The following SMPD3 variants were observed in gnomAD, a reference collection of about 807,000 sequenced individuals.
The protein encoded by SMPD3 is sphingomyelin phosphodiesterase 3.
A neutral mutation model predicts 55.7 loss-of-function variants in SMPD3; 21 were observed. The observed-to-expected ratio is 0.38, with a 90% CI of 0.27 to 0.54. The LOEUF is 0.54. Ranked by LOEUF, SMPD3 falls within the 20% of genes least tolerant of loss-of-function variation. The probability of loss-of-function intolerance (pLI) is 0.80; values close to 1 mark genes in which losing one functional copy is unlikely to be tolerated. For missense variants in SMPD3, 842 were observed against 899.6 expected, an observed-to-expected ratio of 0.94 and a Z score of 0.82; for synonymous variants, 457 against 404.3, an observed-to-expected ratio of 1.13 and a Z score of -1.56.
At chr16:68,417,738 T>G (rs2090350345) in intron 1 of SMPD3, among the ~76,000 whole-genome samples, 1 of 152,192 alleles carries the variant, frequency 6.6e-6, no homozygotes, top group Non-Finnish European at 1.5e-5. Flanking sequence ...TTCCTTGCTA[T>G]TGTTCTTTGT....
intron 1 of SMPD3, among the ~76,000 whole-genome samples, chr16:68,412,109 G>A (rs1003160890): frequency 6.6e-6 from 1 of 152,200 alleles, no homozygotes; most frequent in African/African-American, 2.4e-5. Flanking sequence ...GCGGAGCTGT[G>A]CCCGGGAGGC....
At chr16:68,418,141 T>G (rs553918027) in intron 1 of SMPD3, among the ~76,000 whole-genome samples, 1 of 152,186 alleles carries the variant, frequency 6.6e-6, no homozygotes, top group Admixed American at 6.5e-5. Flanking sequence ...TCAGCCAAGG[T>G]GCATTTCTGG....
chr16:68,365,234 C>CCTGCTACT, intron 3 of SMPD3, 142 bp from the exon 4 acceptor site: 2 of 777,826 alleles, frequency 2.6e-6, no homozygotes, highest in Non-Finnish European at 4.2e-6. Context: ...CGAGTAGGGA[C>CCTGCTACT]AGGATGTGTC....
intron 1 of SMPD3, among the ~76,000 whole-genome samples, chr16:68,424,648 G>T (rs2090421775): frequency 6.6e-6 from 1 of 152,210 alleles, no homozygotes; most frequent in Non-Finnish European, 1.5e-5. Context: ...CAAAGTTACT[G>T]TCTTGATGAC....
At chr16:68,388,721 C>T (rs2090084494) in intron 1 of SMPD3, among the ~76,000 whole-genome samples, 1 of 151,722 alleles carries the variant, frequency 6.6e-6, no homozygotes, top group African/African-American at 2.4e-5. Flanking sequence ...ATGACAAGAA[C>T]TGACTATTTA....
chr16:68,389,060 A>C (rs559456770), intron 1 of SMPD3, among the ~76,000 whole-genome samples: 10 of 152,326 alleles, frequency 6.6e-5, no homozygotes, highest in African/African-American at 2.4e-4. Context: ...ACCGGTAGGA[A>C]ATGGTGAAAC....
chr16:68,378,713 T>A (rs2089881403), intron 2 of SMPD3, among the ~76,000 whole-genome samples: 1 of 152,120 alleles, frequency 6.6e-6, no homozygotes, highest in Non-Finnish European at 1.5e-5. Flanking sequence ...CCCAGGCCAC[T>A]CAGCACCAGC....
intron 1 of SMPD3, among the ~76,000 whole-genome samples, chr16:68,435,627 A>G (rs1175091941): frequency 6.6e-6 from 1 of 152,196 alleles, no homozygotes; most frequent in Non-Finnish European, 1.5e-5. Context: ...ACATCCTGCC[A>G]GGGCCCAAGT....
chr16:68,361,787 GCCCCCATGCCCGCC>G (rs1373811450), intron 7 of SMPD3, 28 bp from the exon 8 acceptor site: 8 of 1,602,216 alleles, frequency 5.0e-6, no homozygotes, highest in Non-Finnish European at 6.8e-6. Context: ...AGGCAGGTGG[GCCCCCATGCCCGCC>G]CCTGTGGGCC....
chr16:68,441,820 T>C (rs1166957504), intron 1 of SMPD3, among the ~76,000 whole-genome samples: 1 of 152,220 alleles, frequency 6.6e-6, no homozygotes, highest in Non-Finnish European at 1.5e-5. Context: ...GGCTAGGGTG[T>C]GGTGGTACAA....
intron 1 of SMPD3, among the ~76,000 whole-genome samples, chr16:68,387,975 G>A (rs909456808): frequency 4.6e-5 from 7 of 152,182 alleles, no homozygotes; most frequent in African/African-American, 1.7e-4. Context: ...GGGCTCTAAT[G>A]AGACCCGGTT....
chr16:68,421,089 G>A (rs2090389697), intron 1 of SMPD3, among the ~76,000 whole-genome samples: 1 of 152,166 alleles, frequency 6.6e-6, no homozygotes, highest in Admixed American at 6.5e-5. Flanking sequence ...CAGCTCTGAT[G>A]GGCTGGGTTC....
At chr16:68,406,206 A>G (rs1036071987) in intron 1 of SMPD3, among the ~76,000 whole-genome samples, 1 of 152,188 alleles carries the variant, frequency 6.6e-6, no homozygotes, top group East Asian at 1.9e-4. Flanking sequence ...TGATATCACT[A>G]TTTGCCATTT....
At chr16:68,438,116 G>A (rs1244325112) in intron 1 of SMPD3, among the ~76,000 whole-genome samples, 1 of 152,098 alleles carries the variant, frequency 6.6e-6, no homozygotes, top group Non-Finnish European at 1.5e-5. Flanking sequence ...GGATACTATT[G>A]CCTGCCTCCC....
chr16:68,377,302 C>G (rs967794151), intron 2 of SMPD3, among the ~76,000 whole-genome samples: 2 of 152,178 alleles, frequency 1.3e-5, no homozygotes, highest in African/African-American at 4.8e-5. Context: ...CCAGAAAACC[C>G]CAAGTCCAGC....
At chr16:68,398,426 T>C (rs1183230559) in intron 1 of SMPD3, among the ~76,000 whole-genome samples, 2 of 152,174 alleles carry the variant, frequency 1.3e-5, no homozygotes, top group Non-Finnish European at 2.9e-5. Context: ...TCACACTATT[T>C]TTACCTTCCT....
At chr16:68,422,787 C>T (rs1346260885) in intron 1 of SMPD3, among the ~76,000 whole-genome samples, 2 of 152,146 alleles carry the variant, frequency 1.3e-5, no homozygotes, top group South Asian at 2.1e-4. Context: ...AAAGAGGTGG[C>T]GTGTAGGCTG....
At chr16:68,384,259 T>C (rs1193419883) in intron 2 of SMPD3, among the ~76,000 whole-genome samples, 1 of 152,238 alleles carries the variant, frequency 6.6e-6, no homozygotes, top group East Asian at 1.9e-4. Context: ...TGAAGGAACA[T>C]GGCCTCAGCA....
In SMPD3 at chr16:68,371,600, A is replaced by C; in HGVS notation, c.582T>G (p.Asp194Glu). 9 of 1,570,284 alleles carry C rather than the reference A, an allele frequency of 5.7e-6. No homozygotes were observed. The highest frequency in any genetic ancestry group is 7.8e-6 in the Non-Finnish European group (9 of 1,158,666). The change falls in exon 3 of 9, where the codon GAT becomes GAG. Residue 194 changes from aspartate (D) to glutamate (E), a missense_variant. Coordinates refer to ENST00000219334, the MANE Select transcript of SMPD3 (RefSeq NM_018667.4). ...TCCCGGGGACGGCCCGGGCCACCCC[A>C]TCGCCGCCCTGTGGTGACACCAGGC... ...FSSLVSPQGGDGVARAVPGSI... is the reference protein window; with the variant it reads ...FSSLVSPQGGEGVARAVPGSI...
Sources: gnomAD v4.1 joint callset for allele counts (sites outside exome capture counted in the v4.1 genomes callset) on GRCh38, gnomAD v4.1.1 for gene constraint, MANE v1.5 for transcripts, NCBI Gene and HGNC (gene_info 2026-07-23, HGNC 2026-07-21) for gene names.